Variants in FRMD4B observed in about 807,000 individuals in gnomAD.
FRMD4B encodes the protein FERM domain-containing protein 4B.
In FRMD4B, 74 loss-of-function variants were observed where a neutral mutation model predicts 141.5. The observed-to-expected ratio is 0.52, with a 90% confidence interval of 0.43 to 0.63. The LOEUF (loss-of-function observed/expected upper bound fraction) is 0.63, where lower values mean the gene tolerates loss of function less well. Among genes scored for constraint, FRMD4B ranks in the 30% least tolerant of loss-of-function variants. The pLI, the probability that FRMD4B is intolerant of heterozygous loss-of-function variation, is 0.00. For missense variants in FRMD4B, 1,366 were observed against 1,253.4 expected (o/e 1.09, Z -1.36); for synonymous variants, 506 against 467.9 (o/e 1.08, Z -1.05).
intron 2 of FRMD4B, among the ~76,000 whole-genome samples, chr3:69,415,185 A>T (rs556453653): frequency 7.2e-5 from 11 of 152,292 alleles, no homozygotes; most frequent in Admixed American, 7.2e-4. Context: ...TTTTTAAGGC[A>T]TTGACCACTG....
intron 1 of FRMD4B, among the ~76,000 whole-genome samples, chr3:69,345,938 A>G (rs887763383): frequency 1.3e-5 from 2 of 152,144 alleles, no homozygotes; most frequent in African/African-American, 4.8e-5. Context: ...CCCACCTCCA[A>G]AGGAACGCAG....
At position 69,224,679 on chromosome 3, in the gene FRMD4B, G is replaced by C. The variant is rs773429994; in HGVS notation, c.593C>G (p.Ala198Gly). 5 of 1,536,692 alleles carry C rather than the reference G, an allele frequency of 3.3e-6. No individual in the cohort carries two copies. The highest frequency in any genetic ancestry group is 1.8e-5 in the Admixed American group (1 of 55,110). The change falls in exon 8 of 23, where the codon GCC becomes GGC. Residue 198 changes from alanine to glycine, a missense_variant. Physicochemically the swap from Ala to Gly is moderately conservative, Grantham distance 60 (BLOSUM62 0). Coordinates refer to ENST00000398540, the MANE Select transcript of FRMD4B (RefSeq NM_015123.3). ...TGGTAATGTCTTTAAATCTTTCCTG[G>C]CATTTTCATCACTAAAAAGAAATGG... ...AKGDYTSDEN[A>G]RKDLKTLPAF... is the part of the protein sequence containing the mutation.
chr3:69,254,818 G>T (rs1403569517), intron 5 of FRMD4B, among the ~76,000 whole-genome samples: 3 of 152,114 alleles, frequency 2.0e-5, no homozygotes, highest in African/African-American at 7.2e-5. Flanking sequence ...TAGCTCTCAA[G>T]AGATGGTACA....
intron 1 of FRMD4B, among the ~76,000 whole-genome samples, chr3:69,358,238 G>A (rs557595336): frequency 6.2e-4 from 95 of 152,330 alleles, no homozygotes; most frequent in African/African-American, 2.3e-3. Context: ...GGTATTGGAT[G>A]TCAGAGCTGG....
chr3:69,459,481 A>T (rs1705674826), intron 1 of FRMD4B, among the ~76,000 whole-genome samples: 1 of 152,248 alleles, frequency 6.6e-6, no homozygotes, highest in Non-Finnish European at 1.5e-5. Context: ...ACATATTTTT[A>T]AAATGCCTGT....
chr3:69,387,180 G>C (rs1247028982), upstream of FRMD4B, among the ~76,000 whole-genome samples: 1 of 152,172 alleles, frequency 6.6e-6, no homozygotes, highest in Non-Finnish European at 1.5e-5. Context: ...GCCCAGGCTG[G>C]AGAGCAGTGA....
At chr3:69,209,831 C>G (rs1292349023) in intron 11 of FRMD4B, among the ~76,000 whole-genome samples, 13 of 152,302 alleles carry the variant, frequency 8.5e-5, no homozygotes, top group Non-Finnish European at 1.5e-5. Flanking sequence ...GTTCTCTTCT[C>G]CTACAGTTAA....
intron 22 of FRMD4B, among the ~76,000 whole-genome samples, chr3:69,173,997 T>G (rs1399000233): frequency 6.6e-6 from 1 of 151,942 alleles, no homozygotes; most frequent in Non-Finnish European, 1.5e-5. Context: ...ATTAGCCAGA[T>G]GCGGTGGTAT....
intron 5 of FRMD4B, among the ~76,000 whole-genome samples, chr3:69,284,780 C>G (rs1700613511): frequency 6.6e-6 from 1 of 152,122 alleles, no homozygotes; most frequent in African/African-American, 2.4e-5. Context: ...GGCATTAAAA[C>G]AATTATTATA....
intron 4 of FRMD4B, among the ~76,000 whole-genome samples, chr3:69,291,480 C>T (rs1193782802): frequency 6.6e-6 from 1 of 152,246 alleles, no homozygotes; most frequent in African/African-American, 2.4e-5. Context: ...ATGCAAAAGT[C>T]GTAAGGATCA....
intron 2 of FRMD4B, among the ~76,000 whole-genome samples, chr3:69,406,739 G>T (rs1575790701): frequency 6.9e-6 from 1 of 145,264 alleles, no homozygotes; most frequent in Admixed American, 6.9e-5. Context: ...TTTTGTTTTT[G>T]TTTTTTTTTT....
intron 2 of FRMD4B, among the ~76,000 whole-genome samples, chr3:69,425,769 T>C (rs994686047): frequency 2.0e-5 from 3 of 152,178 alleles, no homozygotes; most frequent in African/African-American, 7.2e-5. Flanking sequence ...ATTTTTATCT[T>C]TTTTTTCAGA....
intron 2 of FRMD4B, among the ~76,000 whole-genome samples, chr3:69,395,574 C>G (rs1443861621): frequency 6.6e-6 from 1 of 152,106 alleles, no homozygotes. Context: ...GGAATTTCAA[C>G]TATTTGGCCC....
At chr3:69,401,334 G>A (rs1428098744) in intron 2 of FRMD4B, among the ~76,000 whole-genome samples, 2 of 152,120 alleles carry the variant, frequency 1.3e-5, no homozygotes. Flanking sequence ...CAGGGGCTTG[G>A]GGGTTGTCCC....
chr3:69,454,458 C>G (rs1705552409), intron 1 of FRMD4B, among the ~76,000 whole-genome samples: 1 of 152,200 alleles, frequency 6.6e-6, no homozygotes, highest in Non-Finnish European at 1.5e-5. Flanking sequence ...AAGTGGGAAC[C>G]AGGGCTGTGC....
intron 1 of FRMD4B, among the ~76,000 whole-genome samples, chr3:69,346,590 G>A (rs1223250650): frequency 6.6e-6 from 1 of 152,110 alleles, no homozygotes; most frequent in Non-Finnish European, 1.5e-5. Flanking sequence ...AGAAAGGTTG[G>A]GTTACCCACA....
At chr3:69,301,325 TTTTTG>T (rs1170181139) in intron 4 of FRMD4B, among the ~76,000 whole-genome samples, 1 of 152,068 alleles carries the variant, frequency 6.6e-6, no homozygotes, top group Non-Finnish European at 1.5e-5. Context: ...CTTCTTGTTT[TTTTTG>T]TTTTGTTTTG....
chr3:69,400,881 T>A (rs1209727644), intron 2 of FRMD4B, among the ~76,000 whole-genome samples: 1 of 152,240 alleles, frequency 6.6e-6, no homozygotes, highest in African/African-American at 2.4e-5. Context: ...GATAAGATGA[T>A]GTGAACTTAT....
intron 1 of FRMD4B, among the ~76,000 whole-genome samples, chr3:69,521,544 T>C (rs181678721): frequency 1.2e-4 from 18 of 152,334 alleles, no homozygotes; most frequent in Admixed American, 1.0e-3. Flanking sequence ...AGTCAAATCA[T>C]GTCCCCTCTC....
Sources: allele counts gnomAD v4.1 joint callset (sites outside exome capture counted in the v4.1 genomes callset), GRCh38; gene constraint gnomAD v4.1.1; transcripts MANE v1.5; gene names NCBI Gene and HGNC (gene_info 2026-07-23, HGNC 2026-07-21).